The following DBN1 variants were observed in gnomAD, a reference collection of about 807,000 sequenced individuals.
DBN1 encodes the protein drebrin.
A neutral mutation model predicts 83.5 loss-of-function variants in DBN1; 21 were observed. That is an observed-to-expected ratio of 0.25 (90% CI 0.18 to 0.36). The LOEUF is 0.36. DBN1 is among the 10% of genes least tolerant of loss of function. DBN1 has a pLI of 1.00. For synonymous variants in DBN1, 381 were observed against 384.9 expected (o/e 0.99, Z 0.12); for missense variants, 874 against 935.7 (o/e 0.93, Z 0.86).
intron 1 of DBN1, chr5:177,472,301 C>G: frequency 6.4e-7 from 1 of 1,565,944 alleles, no homozygotes; most frequent in Non-Finnish European, 8.6e-7. Flanking sequence ...CGGGGTCCCT[C>G]AGACCTGCCC....
intron 14 of DBN1, 54 bp from the exon 15 acceptor site, chr5:177,457,557 C>G (rs372021883): frequency 6.3e-7 from 1 of 1,586,098 alleles, no homozygotes; most frequent in Non-Finnish European, 8.7e-7. Flanking sequence ...GCTTGTGTCC[C>G]CAGCCTCTGT....
At position 177,458,343 on chromosome 5, in the gene DBN1, C is replaced by G. The variant is rs1554102382; in HGVS notation, c.1629G>C (p.Thr543=). 6.2e-7 allele frequency: 1 copy of G among 1,612,930 alleles called. No homozygotes were observed. The highest frequency in any genetic ancestry group is 2.2e-5 in the East Asian group (1 of 44,878). The change falls in exon 13 of 15, where the codon ACG becomes ACC. Residue 543 remains threonine (T), a synonymous_variant. Coordinates refer to ENST00000393565, the MANE Select transcript of DBN1 (RefSeq NM_001363541.2). ...GGGTGACCTCAGTACCCGAGGGTGG[C>G]GTGGGGGCCCTGGGCTCACCCTGGA... ...STLQGEPRAP[T]PPSGTEVTLA...
At position 177,472,135 on chromosome 5, in the gene DBN1, C is replaced by A. The variant is rs775208425; in HGVS notation, c.86+1301G>T. On this transcript the variant is annotated intron_variant, in intron 1 of 14. Coordinates refer to ENST00000393565, the MANE Select transcript of DBN1 (RefSeq NM_001363541.2). ...GTGACTGACCTGCAGGACACGAGAG[C>A]TTGTCTCTCGCGTCCATCCCTCCAG... 3 of 1,611,520 alleles carry A rather than the reference C, an allele frequency of 1.9e-6. No individual in the cohort carries two copies. The Admixed American group carries it at 5.0e-5, about 27-fold the overall frequency.
chr5:177,465,204 A>G (rs1757361300), intron 8 of DBN1, among the ~76,000 whole-genome samples: 1 of 152,258 alleles, frequency 6.6e-6, no homozygotes, highest in African/African-American at 2.4e-5. Flanking sequence ...CTGAAAGGAT[A>G]AATAAAATGT....
chr5:177,472,954 G>T, intron 1 of DBN1: 1 of 537,348 alleles, frequency 1.9e-6, no homozygotes, highest in Non-Finnish European at 2.4e-6. Flanking sequence ...CCCCGCCCTC[G>T]CTTTCCTTTG....
chr5:177,472,819 C>A, intron 1 of DBN1: 1 of 986,308 alleles, frequency 1.0e-6, no homozygotes, highest in African/African-American at 1.7e-5. Flanking sequence ...AGTCACTTCG[C>A]GGTCGCCATG....
At position 177,458,345 on chromosome 5, in the gene DBN1, T is replaced by C. The variant is rs746045789; in HGVS notation, c.1627A>G (p.Thr543Ala). ...STLQGEPRAPTPPSGTEVTLA... is the reference protein window; with the variant it reads ...STLQGEPRAPAPPSGTEVTLA... ...GTGACCTCAGTACCCGAGGGTGGCG[T>C]GGGGGCCCTGGGCTCACCCTGGAGT... Residue 543 changes from threonine (T) to alanine (A), a missense_variant, in exon 13 of 15, where the codon ACG (threonine) becomes GCG (alanine). Thr to Ala is a moderately conservative substitution (Grantham distance 58, BLOSUM62 0). This residue lies in a region of DBN1 where 725 missense variants were observed against 719.7 expected (regional missense o/e 1.01). Transcript: ENST00000393565. 1 of 1,613,050 alleles carries C rather than the reference T, an allele frequency of 6.2e-7. No homozygotes were observed. Among genetic ancestry groups the C allele is most frequent in the Admixed American group, 1.7e-5 (1 of 59,968 alleles).
rs2545794 is a variant in DBN1, at chr5:177,467,755, C to T, written c.318G>A (p.Ala106=). Residue 106 remains alanine (A), a synonymous_variant, in exon 4 of 15, where the codon GCG becomes GCA. Transcript: ENST00000393565. The surrounding 1 kb of genome is among the most constrained non-coding windows in gnomAD (Gnocchi z 9.1). ...CCCTGACACGCACCTGGAAGAACTC[C>T]GCCACCTTAGCCACGTGGCTGGCAC... ...CACASHVAKV[A]EFFQGVDVIV... is the part of the protein sequence containing the mutation. The T allele has an allele frequency of 0.5, 778,590 of 1,553,546 alleles. 201,178 individuals carry two copies. Among genetic ancestry groups the T allele is most frequent in the Non-Finnish European group, 0.54 (618,790 of 1,148,436 alleles).
chr5:177,458,090 T>C lies in DBN1; in HGVS notation c.1882A>G (p.Asn628Asp). Residue 628 changes from asparagine to aspartate, a missense_variant, in exon 13 of 15, where the codon AAT (asparagine) becomes GAT (aspartate). By Grantham distance (23) the Asn-to-Asp change is conservative. Coordinates refer to ENST00000393565, the MANE Select transcript of DBN1 (RefSeq NM_001363541.2). ...EQEPEPHLLT[N>D]GETTQKEGTQ... ...CCCTCCTTCTGGGTGGTCTCGCCAT[T>C]GGTTAGCAGGTGGGGCTCCGGCTCC... The C allele has an allele frequency of 6.2e-7, 1 of 1,613,494 alleles. No individual in the cohort carries two copies. Among genetic ancestry groups the C allele is most frequent in the Non-Finnish European group, 8.5e-7 (1 of 1,179,902 alleles).
intron 14 of DBN1, 47 bp downstream of exon 14, chr5:177,457,608 C>G (rs774735826): frequency 1.3e-6 from 2 of 1,529,802 alleles, no homozygotes; most frequent in African/African-American, 2.7e-5. Context: ...ACACTCAAAT[C>G]CAGCCCCCGC....
Position 177,473,470 on chromosome 5 carries a change from C to A in DBN1, c.52G>T (p.Glu18Ter). The A allele has an allele frequency of 7.0e-7, 1 of 1,435,640 alleles. No individual in the cohort carries two copies. The highest frequency in any genetic ancestry group is 9.2e-7 in the Non-Finnish European group (1 of 1,087,754). 88.9% of individuals were successfully genotyped at this position (1,435,640 alleles called of 1,614,324 possible). ...GHRLELLAAYEEVIREESAAD... is the reference protein window; with the variant it reads ...GHRLELLAAY ...GCGCTCTCCTCTCGGATCACCTCCT[C>A]GTAAGCCGCCAGCAGCTCCAGGCGG... Residue 18 changes from glutamate (E) to a stop codon, truncating the protein, a stop_gained, in exon 1 of 15, where the codon GAG becomes TAG. Coordinates refer to ENST00000393565, the MANE Select transcript of DBN1 (RefSeq NM_001363541.2). LOFTEE classifies it high-confidence loss of function.
chr5:177,464,925 T>G (rs56173424), intron 8 of DBN1, among the ~76,000 whole-genome samples: 2 of 148,054 alleles, frequency 1.4e-5, no homozygotes, highest in African/African-American at 2.5e-5. Context: ...GTGGCTGAGG[T>G]GGGCAGATCA....
intron 1 of DBN1, 54 bp from the exon 2 acceptor site, chr5:177,468,953 TGGGTGGGGA>T: frequency 8.4e-7 from 1 of 1,197,282 alleles, no homozygotes; most frequent in Non-Finnish European, 1.1e-6. Context: ...CCGCCAATTC[TGGGTGGGGA>T]CGGCTCTGGG....
Position 177,467,306 on chromosome 5 carries a change from T to C in DBN1, c.504A>G (p.Ala168=), listed in dbSNP as rs1581731665. 1 of 1,614,142 alleles carries C rather than the reference T, an allele frequency of 6.2e-7. No individual in the cohort carries two copies. The highest frequency in any genetic ancestry group is 1.7e-5 in the Admixed American group (1 of 60,022). The change falls in exon 6 of 15, where the codon GCA becomes GCG. Residue 168 remains alanine (A), a synonymous_variant. Transcript: ENST00000393565. The surrounding 1 kb of genome is among the most constrained non-coding windows in gnomAD (Gnocchi z 9.1). ...PVGTTYQKTD[A]AVEMKRINRE... ...GGTTAATCCGCTTCATTTCCACAGCTGCATCCGTCTTCTGGTAGGTGGTGC... is the reference window on the plus strand; with the variant it reads ...GGTTAATCCGCTTCATTTCCACAGCCGCATCCGTCTTCTGGTAGGTGGTGC...
At chr5:177,462,222 T>C (rs1581722575) in intron 8 of DBN1, 1 of 961,914 alleles carries the variant, frequency 1.0e-6, no homozygotes, top group Non-Finnish European at 1.2e-6. Context: ...ACCCCAAGGC[T>C]CCCACATACT....
intron 2 of DBN1, chr5:177,468,551 G>C (rs1757629073): frequency 2.2e-6 from 1 of 459,974 alleles, no homozygotes; most frequent in African/African-American, 1.9e-5. Context: ...CTGGCTCTGG[G>C]GAAGGCGGTG....
chr5:177,469,335 G>A (rs902952173), intron 1 of DBN1, among the ~76,000 whole-genome samples: 1 of 152,108 alleles, frequency 6.6e-6, no homozygotes, highest in African/African-American at 2.4e-5. Context: ...GGAGGGAGGA[G>A]GAGAAGAGAG....
chr5:177,462,723 T>C (rs1436021172), intron 8 of DBN1, among the ~76,000 whole-genome samples: 1 of 152,220 alleles, frequency 6.6e-6, no homozygotes, highest in Non-Finnish European at 1.5e-5. Flanking sequence ...TTTTTGAGCC[T>C]ATAATCTAAA....
At chr5:177,458,751 G>C in intron 12 of DBN1, 44 bp from the exon 13 acceptor site, 2 of 1,444,288 alleles carry the variant, frequency 1.4e-6, no homozygotes, top group Non-Finnish European at 1.8e-6. Flanking sequence ...GGCTCCCCTC[G>C]GGGAGGATGG....
Sources: gnomAD v4.1 joint callset for allele counts (sites outside exome capture counted in the v4.1 genomes callset) on GRCh38, gnomAD v4.1.1 for gene constraint, gnomAD v4.1.1 regional missense constraint, Gnocchi (gnomAD v3.1) non-coding constraint, MANE v1.5 for transcripts, NCBI Gene and HGNC (gene_info 2026-07-23, HGNC 2026-07-21) for gene names.